RNF216: variants seen among roughly 807,000 people sequenced by gnomAD.
RNF216 encodes the protein ring finger protein 216, also known as E3 ubiquitin-protein ligase RNF216.
A neutral mutation model predicts 110.8 loss-of-function variants in RNF216; 72 were observed. The observed-to-expected ratio is 0.65, with a 90% CI of 0.54 to 0.79. The LOEUF (loss-of-function observed/expected upper bound fraction) is 0.79, where lower values mean the gene tolerates loss of function less well. RNF216 is among the 30% of genes least tolerant of loss of function. RNF216 has a pLI of 0.00. For synonymous variants in RNF216, 495 were observed against 407.5 expected (o/e 1.21, Z -2.59); for missense variants, 1,342 against 1,141.2 (o/e 1.18, Z -2.54).
intron 1 of RNF216, among the ~76,000 whole-genome samples, chr7:5,762,121 T>G: frequency 2.0e-5 from 3 of 152,232 alleles, no homozygotes; most frequent in Admixed American, 2.0e-4. Flanking sequence ...TAAATAAAAT[T>G]CATATGATAC....
intron 14 of RNF216, among the ~76,000 whole-genome samples, chr7:5,643,757 C>T (rs2128569583): frequency 6.6e-6 from 1 of 152,300 alleles, no homozygotes; most frequent in South Asian, 2.1e-4. Context: ...CGATGTTATA[C>T]AATCAACATC....
intron 1 of RNF216, among the ~76,000 whole-genome samples, chr7:5,763,762 AG>A (rs1158755529): frequency 6.6e-6 from 1 of 152,092 alleles, no homozygotes; most frequent in Admixed American, 6.6e-5. Context: ...TTGTAGAGAC[AG>A]GGTCTCACTA....
chr7:5,758,325 T>C (rs987369705), intron 2 of RNF216, among the ~76,000 whole-genome samples: 10 of 152,192 alleles, frequency 6.6e-5, no homozygotes, highest in Non-Finnish European at 1.3e-4. Flanking sequence ...ATTAATAAAA[T>C]CCTAAAAATG....
At chr7:5,745,355 C>G (rs1158383569) in intron 3 of RNF216, among the ~76,000 whole-genome samples, 2 of 152,136 alleles carry the variant, frequency 1.3e-5, no homozygotes, top group African/African-American at 4.8e-5. Flanking sequence ...GAAATGGTAT[C>G]TAAAGCAAAA....
chr7:5,744,686 T>C (rs1418088495), intron 3 of RNF216, among the ~76,000 whole-genome samples: 1 of 152,024 alleles, frequency 6.6e-6, no homozygotes, highest in Non-Finnish European at 1.5e-5. Context: ...TAAAGAAAAC[T>C]TCTGGCTAGG....
intron 2 of RNF216, 116 bp from the exon 3 acceptor site, chr7:5,753,095 G>T (rs770917576): frequency 5.0e-6 from 5 of 1,003,552 alleles, no homozygotes; most frequent in Non-Finnish European, 5.6e-6. Context: ...CTAGTGTAAC[G>T]TACCTCCTCA....
intron 3 of RNF216, among the ~76,000 whole-genome samples, chr7:5,744,046 G>A (rs1794907185): frequency 6.6e-6 from 1 of 152,104 alleles, no homozygotes; most frequent in South Asian, 2.1e-4. Flanking sequence ...ATCAAAACAA[G>A]AGAAGTAACA....
chr7:5,765,867 TGC>T (rs1311230123), intron 1 of RNF216, among the ~76,000 whole-genome samples: 2 of 149,416 alleles, frequency 1.3e-5, no homozygotes, highest in Non-Finnish European at 3.0e-5. Context: ...GAGGCAGAAT[TGC>T]TTGAACCCGG....
At position 5,707,004 on chromosome 7, in the gene RNF216, G is replaced by A. The variant is rs572236977; in HGVS notation, c.2061+4757C>T. Among the ~76,000 whole-genome samples the A allele has an allele frequency of 7.9e-5, 12 of 152,332 alleles. No homozygotes were observed. The East Asian group carries it at 2.3e-3, about 29-fold the overall frequency. On this transcript the variant is annotated intron_variant, in intron 13 of 16. Coordinates refer to ENST00000389902, the MANE Select transcript of RNF216 (RefSeq NM_207111.4). The stretch of plus-strand genomic sequence containing the variant: ...TCATTCTTTTGCATGTGGATATTCA[G>A]TTTACAGAGCACCATTAATCAGAGA...
intron 15 of RNF216, among the ~76,000 whole-genome samples, chr7:5,631,063 G>C (rs1311488690): frequency 1.3e-5 from 2 of 152,098 alleles, no homozygotes; most frequent in Non-Finnish European, 2.9e-5. Context: ...AAACACAAGA[G>C]GGTTCCTTCT....
rs982815970 is a variant in RNF216 at position 5,743,980 on chromosome 7, A to T, written c.202-2165T>A. On this transcript the variant is annotated intron_variant, in intron 3 of 16. Coordinates refer to ENST00000389902, the MANE Select transcript of RNF216 (RefSeq NM_207111.4). The stretch of plus-strand genomic sequence containing the variant: ...AATCCCAAAATTTTCATATACAATG[A>T]CTTACACTCAATCAAAAATAACTAG... Among the ~76,000 whole-genome samples, 16 of 152,348 alleles carry T rather than the reference A, an allele frequency of 1.1e-4. No homozygotes were observed. The East Asian group carries it at 3.1e-3, about 29-fold the overall frequency.
chr7:5,746,623 G>A (rs1315780956), intron 3 of RNF216, among the ~76,000 whole-genome samples: 1 of 152,118 alleles, frequency 6.6e-6, no homozygotes, highest in Non-Finnish European at 1.5e-5. Context: ...GGACATCTTG[G>A]AGCCAACGTC....
At chr7:5,660,036 C>A (rs949944648) in intron 13 of RNF216, among the ~76,000 whole-genome samples, 6 of 150,042 alleles carry the variant, frequency 4.0e-5, no homozygotes, top group Non-Finnish European at 8.9e-5. Context: ...CTCACTATAA[C>A]CTTGACCTCC....
chr7:5,732,803 T>C (rs1794169695), intron 5 of RNF216, among the ~76,000 whole-genome samples: 3 of 152,188 alleles, frequency 2.0e-5, no homozygotes, highest in African/African-American at 4.8e-5. Context: ...TGACCTCATG[T>C]TTGAGCTGAT....
At chr7:5,720,312 C>T (rs1328666136) in intron 9 of RNF216, among the ~76,000 whole-genome samples, 1 of 152,138 alleles carries the variant, frequency 6.6e-6, no homozygotes, top group Non-Finnish European at 1.5e-5. Flanking sequence ...AGATAAAGAC[C>T]TTCTCATGCT....
In RNF216 at chr7:5,624,291, A is replaced by T. The variant is rs1016193477; in HGVS notation, c.2383-166T>A. Among the ~76,000 whole-genome samples the T allele has an allele frequency of 1.3e-5, 2 of 152,214 alleles. No homozygotes were observed. The highest frequency in any genetic ancestry group is 4.8e-5 in the African/African-American group (2 of 41,462). On this transcript the variant is annotated intron_variant, in intron 15 of 16. Coordinates refer to ENST00000389902, the MANE Select transcript of RNF216 (RefSeq NM_207111.4). This position sits in a 1 kb window ranked among gnomAD's most constrained non-coding sequence, Gnocchi z 4.4. ...ACACCGTTCCTTCCTATTTCCCCGA[A>T]GGCCTCCTTCCTTCATCAGCCTGAT...
At chr7:5,679,590 G>A (rs1790522759) in intron 13 of RNF216, among the ~76,000 whole-genome samples, 1 of 152,196 alleles carries the variant, frequency 6.6e-6, no homozygotes, top group Admixed American at 6.5e-5. Flanking sequence ...CACCAGATGT[G>A]CAATTATTTG....
At chr7:5,631,146 TCTA>T (rs1332793623) in intron 15 of RNF216, among the ~76,000 whole-genome samples, 4 of 152,072 alleles carry the variant, frequency 2.6e-5, no homozygotes, top group African/African-American at 9.7e-5. Flanking sequence ...ACAAAACACT[TCTA>T]CTCAAGGAAA....
At chr7:5,780,552 C>G (rs534935908) in intron 1 of RNF216, among the ~76,000 whole-genome samples, 1 of 152,034 alleles carries the variant, frequency 6.6e-6, no homozygotes, top group African/African-American at 2.4e-5. Context: ...CAAAAATTAG[C>G]TGGACGTGGT....
Sources: gnomAD v4.1 joint callset for allele counts (sites outside exome capture counted in the v4.1 genomes callset) on GRCh38, gnomAD v4.1.1 for gene constraint, Gnocchi (gnomAD v3.1) non-coding constraint, MANE v1.5 for transcripts, NCBI Gene and HGNC (gene_info 2026-07-23, HGNC 2026-07-21) for gene names.